The following TNS1 variants were observed in gnomAD, a reference collection of about 807,000 sequenced individuals.
The protein encoded by TNS1 is tensin-1.
In TNS1, 62 loss-of-function variants were observed where a neutral mutation model predicts 168.6. That is an observed-to-expected ratio of 0.37 (90% CI 0.30 to 0.45). The LOEUF (loss-of-function observed/expected upper bound fraction) is 0.45. TNS1 is among the 20% of genes least tolerant of loss of function. The pLI is 1.00. For missense variants in TNS1, 2,240 were observed against 2,339.4 expected (o/e 0.96, Z 0.88); for synonymous variants, 934 against 933.2 (o/e 1.00, Z -0.02).
intron 23 of TNS1, 46 bp from the exon 24 acceptor site, chr2:217,818,805 G>A (rs1266202669): frequency 1.3e-6 from 2 of 1,498,570 alleles, no homozygotes; most frequent in Admixed American, 3.6e-5. Flanking sequence ...AGAACTGAAT[G>A]AAGGGTGGAT....
At chr2:218,027,737 G>A (rs893249372) in intron 1 of TNS1, among the ~76,000 whole-genome samples, 3 of 152,174 alleles carry the variant, frequency 2.0e-5, no homozygotes, top group Non-Finnish European at 4.4e-5. Flanking sequence ...GGTGGATAGG[G>A]AAAGAGAAGG....
chr2:217,885,970 C>T, intron 14 of TNS1, 74 bp downstream of exon 14: 1 of 1,581,672 alleles, frequency 6.3e-7, no homozygotes, highest in Non-Finnish European at 8.7e-7. Context: ...TCTCTCCTCT[C>T]CCCAACCTTC....
At position 217,904,601 on chromosome 2, in the gene TNS1, G is replaced by A. The variant is rs567256361; in HGVS notation, c.321+1734C>T. Among the ~76,000 whole-genome samples the A allele has an allele frequency of 1.3e-5, 2 of 152,044 alleles. 1 individual carries two copies. Among genetic ancestry groups the A allele is most frequent in the South Asian group, 4.2e-4 (2 of 4,814 alleles). ...ACAAGACAGCACACTTACCCACCCC[G>A]ACACACAGGCACAGACACATCCATC... On this transcript the variant is annotated intron_variant, in intron 6 of 32. Coordinates refer to ENST00000682258, the MANE Select transcript of TNS1 (RefSeq NM_001387777.1).
chr2:217,882,500 CATAT>C, intron 16 of TNS1, 89 bp from the exon 17 acceptor site: 8 of 714,200 alleles, frequency 1.1e-5, no homozygotes, highest in Non-Finnish European at 1.9e-5. Flanking sequence ...ATTAAAATAC[CATAT>C]ATGTACATGG....
intron 8 of TNS1, among the ~76,000 whole-genome samples, chr2:217,896,174 TA>T (rs770957669): frequency 9.9e-5 from 15 of 152,166 alleles, no homozygotes; most frequent in Non-Finnish European, 1.8e-4. Flanking sequence ...ATGTAGTTAG[TA>T]AAGGCAGAGC....
In TNS1 at chr2:217,978,425, C is replaced by A. The variant is rs1957947277; in HGVS notation, c.186+340G>T. Among the ~76,000 whole-genome samples, 9 of 152,052 alleles carry A rather than the reference C, an allele frequency of 5.9e-5. No individual in the cohort carries two copies. The South Asian group carries it at 1.9e-3, about 31-fold the overall frequency. Reference sequence around the variant, plus strand: ...GGGTAATTGAAATGGATCCCCTCCCCCTTTCCCTCTCCCCCTTGAGAACTA... The same window carrying A: ...GGGTAATTGAAATGGATCCCCTCCCACTTTCCCTCTCCCCCTTGAGAACTA... On this transcript the variant is annotated intron_variant, in intron 3 of 32. Transcript: ENST00000682258.
intron 2 of TNS1, among the ~76,000 whole-genome samples, chr2:217,988,621 A>G (rs1958263119): frequency 6.6e-6 from 1 of 152,164 alleles, no homozygotes; most frequent in African/African-American, 2.4e-5. Flanking sequence ...CTTCACCTCT[A>G]GCAATTCTTC....
At position 217,995,284 on chromosome 2, in the gene TNS1, G is replaced by T. The variant is rs566848978; in HGVS notation, c.34-4228C>A. ...CTGTCCCATAGGTTTGATGTTCCCA[G>T]GATGCTAGAGGAGAAAGTCTACGGT... On this transcript the variant is annotated intron_variant, in intron 1 of 32. Coordinates refer to ENST00000682258, the MANE Select transcript of TNS1 (RefSeq NM_001387777.1). This position sits in a 1 kb window ranked among gnomAD's most constrained non-coding sequence, Gnocchi z 4.1. 2.4e-4 allele frequency among the ~76,000 whole-genome samples: 36 copies of T among 152,282 alleles called. No homozygotes were observed. The highest frequency in any genetic ancestry group is 7.7e-4 in the African/African-American group (32 of 41,554).
At chr2:217,974,576 G>T (rs548509983) in intron 3 of TNS1, among the ~76,000 whole-genome samples, 3 of 152,158 alleles carry the variant, frequency 2.0e-5, no homozygotes, top group African/African-American at 7.2e-5. Context: ...AGCCGGCACC[G>T]AGGCTCTACC....
chr2:218,009,457 T>A (rs1279920551), intron 1 of TNS1, among the ~76,000 whole-genome samples: 1 of 151,806 alleles, frequency 6.6e-6, no homozygotes, highest in African/African-American at 2.4e-5. Flanking sequence ...GGGAGACCGA[T>A]GCTCAACCAG....
At chr2:217,987,306 GCAGGAGTTCA>G (rs765565401) in intron 2 of TNS1, among the ~76,000 whole-genome samples, 163 of 152,250 alleles carry the variant, frequency 1.1e-3, no homozygotes, top group Middle Eastern at 3.4e-3. Context: ...GGGTTCATAT[GCAGGAGTTCA>G]CAGGAGTTCA....
intron 1 of TNS1, among the ~76,000 whole-genome samples, chr2:217,991,966 G>A (rs1273000020): frequency 2.0e-5 from 3 of 152,142 alleles, no homozygotes; most frequent in South Asian, 4.1e-4. Context: ...CCCTGGGTCA[G>A]TCACCACTCC....
chr2:217,924,297 TTCTC>T (rs149299331), intron 3 of TNS1, among the ~76,000 whole-genome samples: 2,927 of 150,070 alleles, frequency 0.02, 94 homozygotes, highest in African/African-American at 0.067. Context: ...TCCCTTATGT[TTCTC>T]TCTCTCTCTC....
intron 18 of TNS1, among the ~76,000 whole-genome samples, chr2:217,874,588 G>A (rs1310178104): frequency 6.6e-6 from 1 of 152,188 alleles, no homozygotes; most frequent in Admixed American, 6.5e-5. Flanking sequence ...TCCCAGAACA[G>A]AGCCAGCTAT....
intron 3 of TNS1, among the ~76,000 whole-genome samples, chr2:217,961,254 C>CAGAGAGAGAGAG (rs1347056666): frequency 2.8e-4 from 36 of 130,100 alleles, no homozygotes; most frequent in Non-Finnish European, 5.2e-4. Flanking sequence ...CACACACACA[C>CAGAGAGAGAGAG]ACACACAGAG....
At chr2:217,938,238 G>T (rs1380496067) in intron 3 of TNS1, among the ~76,000 whole-genome samples, 1 of 152,236 alleles carries the variant, frequency 6.6e-6, no homozygotes, top group Admixed American at 6.5e-5. Context: ...CCGACCCAGA[G>T]CAACCCCAGC....
At chr2:217,988,014 C>T (rs1958245310) in intron 2 of TNS1, among the ~76,000 whole-genome samples, 1 of 152,198 alleles carries the variant, frequency 6.6e-6, no homozygotes, top group Non-Finnish European at 1.5e-5. Flanking sequence ...GCCTGGAGAT[C>T]CCAGTCCCTT....
At chr2:217,972,451 T>C (rs1453974883) in intron 3 of TNS1, among the ~76,000 whole-genome samples, 1 of 152,212 alleles carries the variant, frequency 6.6e-6, no homozygotes, top group Non-Finnish European at 1.5e-5. Context: ...TAATCTGCAA[T>C]GAGACTGAAA....
At chr2:217,821,440 A>C (rs1163987242) in intron 23 of TNS1, among the ~76,000 whole-genome samples, 1 of 152,140 alleles carries the variant, frequency 6.6e-6, no homozygotes, top group Non-Finnish European at 1.5e-5. Flanking sequence ...GTAGATTTTC[A>C]ACTTGGGGAA....
Sources: allele counts gnomAD v4.1 joint callset (sites outside exome capture counted in the v4.1 genomes callset), GRCh38; gene constraint gnomAD v4.1.1; non-coding constraint Gnocchi (gnomAD v3.1); transcripts MANE v1.5; gene names NCBI Gene and HGNC (gene_info 2026-07-23, HGNC 2026-07-21).